POLA1: variants seen among roughly 807,000 people sequenced by gnomAD.
The protein encoded by POLA1 is DNA polymerase alpha 1, catalytic subunit.
POLA1 carries 15 observed loss-of-function variants against 124.0 expected under a neutral mutation model. The observed-to-expected ratio is 0.12, with a 90% confidence interval of 0.08 to 0.19. The LOEUF (loss-of-function observed/expected upper bound fraction) is 0.19, where lower values mean the gene tolerates loss of function less well. Among genes scored for constraint, POLA1 ranks in the 10% least tolerant of loss-of-function variants. The pLI is 1.00. For missense variants in POLA1, 886 were observed against 1,103.4 expected (o/e 0.80, Z 2.79); for synonymous variants, 408 against 389.4 (o/e 1.05, Z -0.56).
At chrX:24,908,975 G>C (rs374234638) in intron 35 of POLA1, among the ~76,000 whole-genome samples, 16 of 111,673 alleles carry the variant, frequency 1.4e-4, no homozygotes, top group Non-Finnish European at 1.7e-4. Context: ...TTGCATTTCT[G>C]TGATGGCCAG....
intron 35 of POLA1, among the ~76,000 whole-genome samples, chrX:24,923,817 G>T (rs2047652578): frequency 9.0e-6 from 1 of 111,351 alleles, no homozygotes; most frequent in Non-Finnish European, 1.9e-5. Context: ...TTCACCCTCT[G>T]TTGTTCCACA....
At chrX:24,993,934 C>T (rs779466934) in intron 36 of POLA1, among the ~76,000 whole-genome samples, 12 of 112,096 alleles carry the variant, frequency 1.1e-4, no homozygotes, top group Admixed American at 9.4e-4. Flanking sequence ...TAAATAGTCC[C>T]CTTTCTAACC....
Position 24,703,300 on chromosome X carries a change from C to T in POLA1, c.218C>T (p.Ser73Leu), listed in dbSNP as rs747452548. The T allele has an allele frequency of 1.1e-5, 13 of 1,205,645 alleles. No individual in the cohort carries two copies. In the South Asian group the frequency reaches 1.8e-4, roughly 16 times the overall value. Residue 73 changes from serine to leucine, a missense_variant, in exon 3 of 37, where the codon TCG (serine) becomes TTG (leucine). Around this residue, in one of 7 missense-constraint regions of POLA1, gnomAD observed 337 missense variants for 402.8 expected, o/e 0.84. Coordinates refer to ENST00000379068, the MANE Select transcript of POLA1 (RefSeq NM_001330360.2). ...VYEEVDEEQY[S>L]KLVQARQDDD... ...GAAGAAGTTGATGAAGAACAGTATT[C>T]GAAGCTGGTTCAGGCACGCCAGGAT...
chrX:24,792,798 ATATAT>A (rs1206642861), intron 26 of POLA1, among the ~76,000 whole-genome samples: 1 of 112,056 alleles, frequency 8.9e-6, no homozygotes, highest in Non-Finnish European at 1.9e-5. Context: ...GTAAATTAAC[ATATAT>A]TAATAATATA....
In POLA1 at chrX:24,699,427, C is replaced by G. The variant is rs778800377; in HGVS notation, c.46C>G (p.Leu16Val). Reference sequence around the variant, plus strand: ...GTAAATTTTTTTTCTTTTTTCAGCTCTGTCAGATTCAGGGAGTTTTGTATC... The same window carrying G: ...GTAAATTTTTTTTCTTTTTTCAGCTGTGTCAGATTCAGGGAGTTTTGTATC... ...GDDCEIGASA[L>V]SDSGSFVSSR... The change falls in exon 2 of 37, where the codon CTG (leucine) becomes GTG (valine). Residue 16 changes from leucine to valine, a missense_variant and splice_region_variant. This residue lies in a region of POLA1 where 49 missense variants were observed against 39.2 expected (regional missense o/e 1.25). Transcript: ENST00000379068. 7 of 1,153,121 alleles carry G rather than the reference C, an allele frequency of 6.1e-6. No individual in the cohort carries two copies. In the African/African-American group the frequency reaches 9.1e-5, roughly 15 times the overall value.
chrX:24,801,233 GA>G (rs35115535), intron 26 of POLA1, among the ~76,000 whole-genome samples: 1 of 111,583 alleles, frequency 9.0e-6, no homozygotes, highest in Non-Finnish European at 1.9e-5. Context: ...TTCTTGCATG[GA>G]AAAAGCCAGC....
intron 18 of POLA1, among the ~76,000 whole-genome samples, chrX:24,737,364 T>C (rs1313823709): frequency 9.0e-6 from 1 of 111,584 alleles, no homozygotes; most frequent in Admixed American, 9.5e-5. Context: ...TTAAAAGATA[T>C]CATATGAGCC....
At chrX:24,956,573 T>C (rs1241947901) in intron 36 of POLA1, among the ~76,000 whole-genome samples, 2 of 110,566 alleles carry the variant, frequency 1.8e-5, no homozygotes, top group African/African-American at 3.3e-5. Context: ...ACATTCTATA[T>C]CCCCCGCCCC....
At chrX:24,717,556 T>C in intron 9 of POLA1, 24 bp from the exon 10 acceptor site, 1 of 1,205,608 alleles carries the variant, frequency 8.3e-7, no homozygotes, top group Non-Finnish European at 1.1e-6. Flanking sequence ...TTTTGAAAGG[T>C]TTTTGAAAAT....
chrX:24,931,483 G>T lies in POLA1; in HGVS notation c.4261+934G>T, dbSNP rs190331022. On this transcript the variant is annotated intron_variant, in intron 36 of 36. Coordinates refer to ENST00000379068, the MANE Select transcript of POLA1 (RefSeq NM_001330360.2). ...ACTTGTTTTTCCATCCACAAGATAG[G>T]CTAGAAATTATTTTTTAAATGCCTT... is the stretch of plus-strand genomic sequence containing the variant. Among the ~76,000 whole-genome samples the T allele has an allele frequency of 2.4e-3, 267 of 111,760 alleles. 1 individual carries two copies. Among genetic ancestry groups the T allele is most frequent in the African/African-American group, 8.0e-3 (246 of 30,758 alleles).
intron 35 of POLA1, among the ~76,000 whole-genome samples, chrX:24,901,976 A>G (rs1275609575): frequency 9.0e-6 from 1 of 111,072 alleles, no homozygotes; most frequent in African/African-American, 3.3e-5. Flanking sequence ...ACAGAACCAG[A>G]GAAACCCCTC....
intron 20 of POLA1, 63 bp downstream of exon 20, chrX:24,739,613 G>A (rs188107777): frequency 1.4e-6 from 1 of 699,357 alleles, no homozygotes. Context: ...GACACTACTA[G>A]TACTATCCTT....
At chrX:24,864,848 A>G (rs2046771687) in intron 34 of POLA1, among the ~76,000 whole-genome samples, 1 of 111,110 alleles carries the variant, frequency 9.0e-6, no homozygotes, top group South Asian at 3.7e-4. Flanking sequence ...TGTTCCCTAT[A>G]AGGTTGTAGA....
At chrX:24,824,297 T>C (rs1319720115) in intron 31 of POLA1, among the ~76,000 whole-genome samples, 1 of 109,223 alleles carries the variant, frequency 9.2e-6, no homozygotes, top group African/African-American at 3.3e-5. Flanking sequence ...TTATTATTAT[T>C]TTTTTTTAAT....
intron 13 of POLA1, 125 bp downstream of exon 13, chrX:24,726,180 G>A: frequency 2.3e-6 from 1 of 443,335 alleles, no homozygotes; most frequent in East Asian, 3.9e-5. Context: ...TCATTGAGGT[G>A]GATTTATAGT....
At chrX:24,734,003 TG>T in intron 17 of POLA1, 187 bp downstream of exon 17, 4 of 321,024 alleles carry the variant, frequency 1.2e-5, no homozygotes, top group Non-Finnish European at 2.3e-5. Context: ...AATGTTTAAA[TG>T]TTTTACTACC....
At chrX:24,869,036 C>T (rs984410688) in intron 34 of POLA1, among the ~76,000 whole-genome samples, 4 of 111,776 alleles carry the variant, frequency 3.6e-5, no homozygotes, top group Non-Finnish European at 7.5e-5. Context: ...CCTGGTCAAG[C>T]GAACCTCCCA....
At chrX:24,768,462 C>T (rs1357011802) in intron 26 of POLA1, among the ~76,000 whole-genome samples, 1 of 111,999 alleles carries the variant, frequency 8.9e-6, no homozygotes, top group African/African-American at 3.3e-5. Context: ...TGTAGCCTGT[C>T]TGTACCACTC....
At chrX:24,847,223 C>T (rs954178434) in intron 34 of POLA1, among the ~76,000 whole-genome samples, 6 of 111,443 alleles carry the variant, frequency 5.4e-5, no homozygotes, top group African/African-American at 2.0e-4. Context: ...CCTCTTGGTA[C>T]CTGGGAGGAG....
Sources: gnomAD v4.1 joint callset for allele counts (sites outside exome capture counted in the v4.1 genomes callset) on GRCh38, gnomAD v4.1.1 for gene constraint, gnomAD v4.1.1 regional missense constraint, MANE v1.5 for transcripts, NCBI Gene and HGNC (gene_info 2026-07-23, HGNC 2026-07-21) for gene names.